Variants in LNX1 observed in about 807,000 individuals in gnomAD.
LNX1 encodes ligand of numb-protein X 1, also known as E3 ubiquitin-protein ligase LNX.
A neutral mutation model predicts 68.4 loss-of-function variants in LNX1; 54 were observed. The observed-to-expected ratio is 0.79, with a 90% CI of 0.63 to 0.99. The LOEUF (loss-of-function observed/expected upper bound fraction) is 0.99, where lower values mean the gene tolerates loss of function less well. LNX1 is among the 50% of genes least tolerant of loss of function. The pLI, the probability that LNX1 is intolerant of heterozygous loss-of-function variation, is 0.00. For missense variants in LNX1, 906 were observed against 926.4 expected (o/e 0.98, Z 0.29); for synonymous variants, 336 against 350.0 (o/e 0.96, Z 0.45).
intron 1 of LNX1, among the ~76,000 whole-genome samples, chr4:53,648,960 A>C (rs1038198094): frequency 2.0e-5 from 3 of 152,182 alleles, no homozygotes; most frequent in African/African-American, 7.2e-5. Flanking sequence ...ATGAAAAACC[A>C]ATAGAAGAGA....
chr4:53,628,219 T>C (rs1326171704), intron 1 of LNX1, among the ~76,000 whole-genome samples: 1 of 152,036 alleles, frequency 6.6e-6, no homozygotes, highest in East Asian at 1.9e-4. Context: ...ACCCACAGAA[T>C]AGGAGAAAAT....
At chr4:53,517,415 C>T (rs1265607601) in intron 2 of LNX1, among the ~76,000 whole-genome samples, 1 of 152,184 alleles carries the variant, frequency 6.6e-6, no homozygotes. Flanking sequence ...CTTGCACTCC[C>T]TGAGCCCACC....
intron 1 of LNX1, among the ~76,000 whole-genome samples, chr4:53,587,994 C>T (rs572419113): frequency 5.3e-5 from 8 of 152,328 alleles, no homozygotes; most frequent in South Asian, 4.2e-4. Context: ...TGGCCCTCAA[C>T]GTACTACCGT....
chr4:53,558,262 C>A, intron 2 of LNX1: 2 of 1,198,208 alleles, frequency 1.7e-6, no homozygotes, highest in Non-Finnish European at 2.1e-6. Context: ...GCCCCTCCTG[C>A]AGGATGCGGA....
intron 6 of LNX1, 94 bp from the exon 7 acceptor site, chr4:53,481,948 T>A: frequency 7.4e-7 from 1 of 1,356,426 alleles, no homozygotes; most frequent in Non-Finnish European, 9.8e-7. Flanking sequence ...GATTATACCA[T>A]TTTTTTATGG....
At chr4:53,507,939 T>C (rs1255142483) in intron 3 of LNX1, 47 bp downstream of exon 3, 4 of 1,592,386 alleles carry the variant, frequency 2.5e-6, no homozygotes, top group Admixed American at 1.7e-5. Flanking sequence ...CAGAGGGCAA[T>C]CGCAAGCCAA....
At chr4:53,531,452 C>T (rs1014284024) in intron 2 of LNX1, among the ~76,000 whole-genome samples, 7 of 152,200 alleles carry the variant, frequency 4.6e-5, no homozygotes, top group African/African-American at 1.7e-4. Flanking sequence ...TTCGATGGCT[C>T]AGCCATTATC....
At position 53,574,037 on chromosome 4, in the gene LNX1, T is replaced by A. The variant is rs1731337423; in HGVS notation, c.-35A>T. 2 of 1,571,530 alleles carry A rather than the reference T, an allele frequency of 1.3e-6. No homozygotes were observed. The highest frequency in any genetic ancestry group is 2.7e-5 in the African/African-American group (2 of 73,914). On this transcript the variant is annotated 5_prime_UTR_variant, in exon 2 of 11. Transcript: ENST00000263925. ...GAGAGCAGTATAACAGGAAACTCAG[T>A]CACACAATATTTCCTCAGGAGCAAG...
At chr4:53,640,921 G>A (rs1471153054) in intron 1 of LNX1, among the ~76,000 whole-genome samples, 3 of 152,266 alleles carry the variant, frequency 2.0e-5, no homozygotes, top group African/African-American at 4.8e-5. Context: ...TCTCAGTCTC[G>A]TCGGCAGTCC....
At chr4:53,588,830 C>T (rs1732329620) in intron 1 of LNX1, among the ~76,000 whole-genome samples, 2 of 152,112 alleles carry the variant, frequency 1.3e-5, no homozygotes, top group African/African-American at 4.8e-5. Context: ...TTGTGGTATC[C>T]CTGAAGGGCG....
intron 1 of LNX1, among the ~76,000 whole-genome samples, chr4:53,623,833 G>T (rs1366347651): frequency 6.6e-6 from 1 of 152,122 alleles, no homozygotes; most frequent in African/African-American, 2.4e-5. Flanking sequence ...TAAATAGCTT[G>T]CCCAAGGTTG....
rs1214177042 is a variant in LNX1 at position 53,498,858 on chromosome 4, G to A, written c.776-15C>T. ...CCTTGGAAAGACTGAAATGGACAAA[G>A]AGTGTTTATTTAAGACACCCACCCA... On this transcript the variant is annotated splice_polypyrimidine_tract_variant and intron_variant, in intron 4 of 10. Coordinates refer to ENST00000263925, the MANE Select transcript of LNX1 (RefSeq NM_001126328.3). 6.2e-7 allele frequency: 1 copy of A among 1,601,530 alleles called. No individual in the cohort carries two copies. Among genetic ancestry groups the A allele is most frequent in the Non-Finnish European group, 8.5e-7 (1 of 1,170,050 alleles).
intron 6 of LNX1, among the ~76,000 whole-genome samples, chr4:53,487,869 G>A (rs962487220): frequency 3.3e-5 from 5 of 152,172 alleles, no homozygotes; most frequent in African/African-American, 1.2e-4. Flanking sequence ...ATCTCAAAAT[G>A]AGACAGTTTG....
chr4:53,632,471 G>T (rs1226087616), intron 1 of LNX1, among the ~76,000 whole-genome samples: 2 of 152,190 alleles, frequency 1.3e-5, no homozygotes, highest in East Asian at 3.9e-4. Context: ...TCAGCCAAGA[G>T]GGTCAGTCAG....
chr4:53,526,588 A>G, intron 2 of LNX1, among the ~76,000 whole-genome samples: 1 of 151,828 alleles, frequency 6.6e-6, no homozygotes, highest in Admixed American at 6.6e-5. Context: ...CTACTCTGGA[A>G]GTAAATAGCC....
At chr4:53,544,892 G>C (rs1729000458) in intron 2 of LNX1, among the ~76,000 whole-genome samples, 1 of 152,160 alleles carries the variant, frequency 6.6e-6, no homozygotes, top group African/African-American at 2.4e-5. Flanking sequence ...CCAGCAATTG[G>C]CAGGGCCAGG....
chr4:53,628,557 A>G (rs994612793), intron 1 of LNX1, among the ~76,000 whole-genome samples: 4 of 152,178 alleles, frequency 2.6e-5, no homozygotes, highest in Admixed American at 2.0e-4. Flanking sequence ...CTCTATAGAA[A>G]ACAGTATGGT....
intron 5 of LNX1, 29 bp downstream of exon 5, chr4:53,498,612 T>C (rs780495550): frequency 1.3e-6 from 2 of 1,576,578 alleles, no homozygotes; most frequent in South Asian, 2.2e-5. Flanking sequence ...TCAAGCCCCT[T>C]GCTGCAGCCC....
intron 4 of LNX1, among the ~76,000 whole-genome samples, chr4:53,507,067 T>C (rs539239428): frequency 6.6e-6 from 1 of 152,274 alleles, no homozygotes; most frequent in South Asian, 2.1e-4. Context: ...TTCTTCCTCA[T>C]ATGCATAATG....
Sources: gnomAD v4.1 joint callset for allele counts (sites outside exome capture counted in the v4.1 genomes callset) on GRCh38, gnomAD v4.1.1 for gene constraint, MANE v1.5 for transcripts, NCBI Gene and HGNC (gene_info 2026-07-23, HGNC 2026-07-21) for gene names.